The following LIX1L variants were observed in gnomAD, a reference collection of about 807,000 sequenced individuals.
The protein encoded by LIX1L is limb and CNS expressed 1 like, also known as LIX1-like protein.
LIX1L carries 20 observed loss-of-function variants against 34.0 expected under a neutral mutation model. The ratio of observed to expected loss-of-function variants is 0.59; its 90% CI spans 0.41 to 0.85. The LOEUF is 0.85. LIX1L is among the 40% of genes least tolerant of loss of function. The pLI, the probability that LIX1L is intolerant of heterozygous loss-of-function variation, is 0.00. For synonymous variants in LIX1L, 170 were observed against 187.4 expected (o/e 0.91, Z 0.76); for missense variants, 397 against 447.0 (o/e 0.89, Z 1.01).
At chr1:145,939,168 G>T (rs1274126589) in intron 3 of LIX1L, among the ~76,000 whole-genome samples, 1 of 151,670 alleles carries the variant, frequency 6.6e-6, no homozygotes, top group African/African-American at 2.4e-5. Flanking sequence ...TTTTTGTAGA[G>T]ATGAAGTCTC....
chr1:145,943,452 CTTCT>C (rs1203326870), intron 2 of LIX1L, among the ~76,000 whole-genome samples: 1 of 152,108 alleles, frequency 6.6e-6, no homozygotes, highest in Non-Finnish European at 1.5e-5. Flanking sequence ...AATTTATAGA[CTTCT>C]TTTTTCCCCA....
intron 3 of LIX1L, among the ~76,000 whole-genome samples, chr1:145,940,717 ATTT>A (rs782462548): frequency 7.3e-6 from 1 of 136,328 alleles, no homozygotes; most frequent in African/African-American, 2.7e-5. Flanking sequence ...CACCTGGCTA[ATTT>A]TTTTTTTTTT....
Position 145,942,760 on chromosome 1 carries a change from C to T in LIX1L, c.550G>A (p.Asp184Asn). 6.2e-7 allele frequency: 1 copy of T among 1,613,998 alleles called. No individual in the cohort carries two copies. The highest frequency in any genetic ancestry group is 8.5e-7 in the Non-Finnish European group (1 of 1,179,856). ...FNEHPSRRIT[D>N]EFIEKSVSEA... The stretch of plus-strand genomic sequence containing the variant: ...GAGACACTCTTCTCGATGAACTCAT[C>T]AGTGATTCTTCGGGAAGGATGTTCA... The change falls in exon 3 of 6, where the codon GAT (aspartate) becomes AAT (asparagine). Residue 184 changes from aspartate (D) to asparagine (N), a missense_variant. Transcript: ENST00000604000.
Position 145,935,651 on chromosome 1 carries a change from GC to G in LIX1L, c.*658del, listed in dbSNP as rs1648611184. ...TAGACTACTAGTATGGTATACATAT[GC>G]CCTAGAAGCAACTTAGGTAGTAAAC... is the stretch of plus-strand genomic sequence containing the variant. On this transcript the variant is annotated 3_prime_UTR_variant, in exon 6 of 6. Coordinates refer to ENST00000604000, the MANE Select transcript of LIX1L (RefSeq NM_153713.3). The G allele has an allele frequency of 6.5e-6, 1 of 153,254 alleles. No individual in the cohort carries two copies. 9.5% of individuals were successfully genotyped at this position (153,254 alleles called of 1,614,324 possible).
At chr1:145,942,616 C>T (rs1648960955) in intron 3 of LIX1L, 97 bp downstream of exon 3, 2 of 1,147,338 alleles carry the variant, frequency 1.7e-6, no homozygotes, top group Non-Finnish European at 1.3e-6. Context: ...AGAAAGAAAA[C>T]AAGAATTCAT....
chr1:145,936,426 G>A lies in LIX1L; in HGVS notation c.898C>T (p.Arg300Trp), dbSNP rs781919713. 12 of 1,613,996 alleles carry A rather than the reference G, an allele frequency of 7.4e-6. No individual in the cohort carries two copies. Among genetic ancestry groups the A allele is most frequent in the African/African-American group, 6.7e-5 (5 of 74,902 alleles). The change falls in exon 6 of 6, where the codon CGG becomes TGG. Residue 300 changes from arginine to tryptophan, a missense_variant. Arg to Trp is a moderately radical substitution (Grantham distance 101, BLOSUM62 -3). This residue lies in a region of LIX1L where 174 missense variants were observed against 204.0 expected (regional missense o/e 0.85). Coordinates refer to ENST00000604000, the MANE Select transcript of LIX1L (RefSeq NM_153713.3). ...ALSRELASTERELDEARLAGK... is the reference protein window; with the variant it reads ...ALSRELASTEWELDEARLAGK... ...GCCAGTCGGGCTTCATCCAGCTCCCGCTCAGTAGAGGCCAGCTCTCTAGAC... is the reference window on the plus strand; with the variant it reads ...GCCAGTCGGGCTTCATCCAGCTCCCACTCAGTAGAGGCCAGCTCTCTAGAC...
intron 4 of LIX1L, among the ~76,000 whole-genome samples, chr1:145,937,196 G>C (rs1463769191): frequency 6.6e-6 from 1 of 150,868 alleles, no homozygotes; most frequent in Non-Finnish European, 1.5e-5. Context: ...ACTTATTTGA[G>C]ACAGAGTCTT....
intron 2 of LIX1L, among the ~76,000 whole-genome samples, chr1:145,944,180 G>C (rs901069399): frequency 1.3e-5 from 2 of 152,114 alleles, no homozygotes; most frequent in South Asian, 4.1e-4. Flanking sequence ...AACATAGTGA[G>C]ATGCCAACTC....
Position 145,936,100 on chromosome 1 carries a change from C to T in LIX1L, c.*210G>A. On this transcript the variant is annotated 3_prime_UTR_variant, in exon 6 of 6. Coordinates refer to ENST00000604000, the MANE Select transcript of LIX1L (RefSeq NM_153713.3). ...AAGCTGCTCTTTGTTGTAAAGTGGA[C>T]TGAAGATGTTTCAAATAAAACTACA... 1 of 568,040 alleles carries T rather than the reference C, an allele frequency of 1.8e-6. No individual in the cohort carries two copies. Among genetic ancestry groups the T allele is most frequent in the Non-Finnish European group, 3.0e-6 (1 of 331,238 alleles). 35.2% of individuals were successfully genotyped at this position (568,040 alleles called of 1,614,324 possible). A position where few individuals can be genotyped will look rare whatever the true frequency, so the allele number is the denominator to read the frequency against.
intron 3 of LIX1L, among the ~76,000 whole-genome samples, chr1:145,941,530 G>C (rs907058665): frequency 3.9e-5 from 6 of 152,292 alleles, no homozygotes; most frequent in African/African-American, 1.4e-4. Context: ...TGGGATTACA[G>C]GCATGAGCCA....
chr1:145,957,566 T>C, intron 1 of LIX1L, 70 bp downstream of exon 1: 3 of 1,383,324 alleles, frequency 2.2e-6, no homozygotes, highest in Non-Finnish European at 9.3e-7. Flanking sequence ...GGAAAAGCGA[T>C]CCGGAGGACT....
intron 2 of LIX1L, 24 bp downstream of exon 2, chr1:145,947,595 C>G (rs1649158219): frequency 6.2e-7 from 1 of 1,611,976 alleles, no homozygotes; most frequent in Non-Finnish European, 8.5e-7. Context: ...TTTACCTTTG[C>G]TACTGCCACC....
chr1:145,950,400 A>T (rs1553759711), intron 1 of LIX1L: 1 of 152,240 alleles, frequency 6.6e-6, no homozygotes, highest in African/African-American at 2.4e-5. Flanking sequence ...TTTTCTAAAC[A>T]GATTCTCACT....
chr1:145,950,613 G>T (rs1186259175), intron 1 of LIX1L, among the ~76,000 whole-genome samples: 1 of 150,668 alleles, frequency 6.6e-6, no homozygotes, highest in Admixed American at 6.6e-5. Flanking sequence ...TGATCCGCCC[G>T]CCTCGGCCTC....
intron 2 of LIX1L, chr1:145,947,390 T>C (rs1268917008): frequency 8.8e-5 from 48 of 543,254 alleles, no homozygotes; most frequent in South Asian, 4.8e-4. Flanking sequence ...CAAGGGGATA[T>C]TCATAACTGC....
At chr1:145,938,093 GC>G (rs1228061764) in intron 3 of LIX1L, among the ~76,000 whole-genome samples, 1 of 150,168 alleles carries the variant, frequency 6.7e-6, no homozygotes, top group African/African-American at 2.5e-5. Context: ...CTGCACTCCA[GC>G]CTGGACAACA....
intron 1 of LIX1L, among the ~76,000 whole-genome samples, chr1:145,950,496 C>T (rs988611309): frequency 1.3e-5 from 2 of 152,080 alleles, no homozygotes; most frequent in Non-Finnish European, 2.9e-5. Context: ...CCTGCCTCAG[C>T]CTCCTGAGTA....
At position 145,936,907 on chromosome 1, in the gene LIX1L, C is replaced by G. The variant is rs1559237320; in HGVS notation, c.771+1G>C. On this transcript the variant is annotated splice_donor_variant, in intron 5 of 5. Coordinates refer to ENST00000604000, the MANE Select transcript of LIX1L (RefSeq NM_153713.3). LOFTEE classifies it high-confidence loss of function. The stretch of plus-strand genomic sequence containing the variant: ...TCGCCCCCACTCATAAAATCTCTTA[C>G]CTGCCGAGAGCATTGTCGTTCCCTC... 6.2e-7 allele frequency: 1 copy of G among 1,607,586 alleles called. No individual in the cohort carries two copies. The highest frequency in any genetic ancestry group is 1.3e-5 in the African/African-American group (1 of 74,786).
In LIX1L at chr1:145,947,481, T is replaced by C. The variant is rs1249162727; in HGVS notation, c.456+138A>G. Reference sequence around the variant, plus strand: ...CTATGGTCAAATTGGCCTCAGATGCTTGCCAGAATAATTTCCCCAGAATTG... The same window carrying C: ...CTATGGTCAAATTGGCCTCAGATGCCTGCCAGAATAATTTCCCCAGAATTG... On this transcript the variant is annotated intron_variant, in intron 2 of 5. Transcript: ENST00000604000. The C allele has an allele frequency of 2.2e-5, 20 of 911,950 alleles. No individual in the cohort carries two copies. In the South Asian group the frequency reaches 2.6e-4, roughly 12 times the overall value. The allele number at this position is 911,950 out of a possible 1,614,324, so 56.5% of individuals were successfully genotyped here.
Sources: gnomAD v4.1 joint callset for allele counts (sites outside exome capture counted in the v4.1 genomes callset) on GRCh38, gnomAD v4.1.1 for gene constraint, gnomAD v4.1.1 regional missense constraint, MANE v1.5 for transcripts, NCBI Gene and HGNC (gene_info 2026-07-23, HGNC 2026-07-21) for gene names.